The following GLIS3 variants were observed in gnomAD, a reference collection of about 807,000 sequenced individuals.
GLIS3 encodes the protein zinc finger protein GLIS3.
Under a neutral mutation model 78.6 loss-of-function variants are expected in GLIS3, and 53 were observed. The observed-to-expected ratio is 0.67, with a 90% CI of 0.54 to 0.85. The LOEUF is 0.85. Among genes scored for constraint, GLIS3 ranks in the 40% least tolerant of loss-of-function variants. The pLI is 0.00. For missense variants in GLIS3, 1,703 were observed against 1,231.1 expected (o/e 1.38, Z -5.74); for synonymous variants, 684 against 509.9 (o/e 1.34, Z -4.60).
chr9:4,285,988 G>A, intron 2 of GLIS3, 50 bp downstream of exon 2: 2 of 1,607,932 alleles, frequency 1.2e-6, no homozygotes, highest in South Asian at 1.1e-5. Flanking sequence ...TGGGATGGGG[G>A]AGAAAAAAAT....
upstream of GLIS3, among the ~76,000 whole-genome samples, chr9:4,352,964 C>A (rs572867532): frequency 6.6e-6 from 1 of 152,208 alleles, no homozygotes; most frequent in South Asian, 2.1e-4. Flanking sequence ...ATATAGGGTC[C>A]TCTCGCTCCT....
the GLIS3 span, among the ~76,000 whole-genome samples, chr9:4,418,926 G>C: frequency 6.6e-6 from 1 of 152,196 alleles, no homozygotes; most frequent in Non-Finnish European, 1.5e-5. Flanking sequence ...CTGCATGGTA[G>C]AAATGTAGAC....
chr9:3,934,485 C>T (rs1042163459), intron 5 of GLIS3, among the ~76,000 whole-genome samples: 1 of 151,330 alleles, frequency 6.6e-6, no homozygotes, highest in African/African-American at 2.4e-5. Context: ...TCTCGGCTCA[C>T]TGCAACCTCC....
upstream of GLIS3, among the ~76,000 whole-genome samples, chr9:4,348,961 A>G (rs887269602): frequency 1.3e-5 from 2 of 152,192 alleles, no homozygotes; most frequent in Non-Finnish European, 2.9e-5. Context: ...CATATATTAC[A>G]TTTGTACTCA....
chr9:4,312,802 T>C (rs1007375291), intron 2 of GLIS3, among the ~76,000 whole-genome samples: 5 of 152,216 alleles, frequency 3.3e-5, no homozygotes, highest in Admixed American at 6.5e-5. Flanking sequence ...AGCCAGATCA[T>C]TTAATCTCTG....
the GLIS3 span, among the ~76,000 whole-genome samples, chr9:4,485,737 A>T: frequency 7.0e-6 from 1 of 142,444 alleles, no homozygotes; most frequent in South Asian, 2.2e-4. Context: ...TTTTTTTGAG[A>T]CGGAGTTTTG....
At chr9:4,040,850 G>T (rs574237001) in intron 4 of GLIS3, among the ~76,000 whole-genome samples, 7 of 152,302 alleles carry the variant, frequency 4.6e-5, no homozygotes, top group Admixed American at 2.0e-4. Flanking sequence ...TGAAGTGAAG[G>T]TCATCAACAG....
intron 2 of GLIS3, among the ~76,000 whole-genome samples, chr9:4,224,731 T>TA (rs1321211235): frequency 6.6e-6 from 1 of 151,656 alleles, no homozygotes; most frequent in East Asian, 1.9e-4. Flanking sequence ...GTTTTTTTTT[T>TA]TTTATTTCTA....
intron 2 of GLIS3, among the ~76,000 whole-genome samples, chr9:4,345,134 G>T (rs575487711): frequency 6.6e-6 from 1 of 152,252 alleles, no homozygotes; most frequent in South Asian, 2.1e-4. Context: ...AAGCCTGAGT[G>T]CTTACAAGAT....
intron 4 of GLIS3, among the ~76,000 whole-genome samples, chr9:4,061,932 C>T (rs184053022): frequency 6.6e-6 from 1 of 152,144 alleles, no homozygotes; most frequent in Non-Finnish European, 1.5e-5. Flanking sequence ...GAGATCTGAG[C>T]TTCTTTAAGT....
At chr9:4,397,373 C>G in the GLIS3 span, among the ~76,000 whole-genome samples, 1 of 151,578 alleles carries the variant, frequency 6.6e-6, no homozygotes, top group Non-Finnish European at 1.5e-5. Flanking sequence ...TGGTTTTTAA[C>G]CTATTGCAAG....
At position 3,920,144 on chromosome 9, in the gene GLIS3, C is replaced by T. The variant is rs538717342; in HGVS notation, c.1983+12216G>A. 6.6e-5 allele frequency among the ~76,000 whole-genome samples: 10 copies of T among 151,976 alleles called. No homozygotes were observed. The South Asian group carries it at 2.1e-3, about 32-fold the overall frequency. On this transcript the variant is annotated intron_variant, in intron 6 of 10. Transcript: ENST00000381971. Reference sequence around the variant, plus strand: ...TCAGCCTCCTGAGTAGCTGGGACTACAGGCGCCCGCCACCACACCCGGCTA... The same window carrying T: ...TCAGCCTCCTGAGTAGCTGGGACTATAGGCGCCCGCCACCACACCCGGCTA...
chr9:4,176,868 C>T (rs1373569435), intron 2 of GLIS3, among the ~76,000 whole-genome samples: 1 of 152,264 alleles, frequency 6.6e-6, no homozygotes, highest in African/African-American at 2.4e-5. Flanking sequence ...AGGTGATCCG[C>T]CCGCCTTGGC....
chr9:4,016,687 A>G (rs1453278186), intron 4 of GLIS3, among the ~76,000 whole-genome samples: 2 of 152,170 alleles, frequency 1.3e-5, no homozygotes, highest in East Asian at 3.9e-4. Flanking sequence ...CTCTGCTCTG[A>G]TGTGGACTTG....
At chr9:4,442,255 T>C in the GLIS3 span, among the ~76,000 whole-genome samples, 2 of 152,230 alleles carry the variant, frequency 1.3e-5, no homozygotes, top group Non-Finnish European at 2.9e-5. Flanking sequence ...TTCATAATTG[T>C]CTGTTATGAT....
At chr9:4,374,141 G>C in the GLIS3 span, among the ~76,000 whole-genome samples, 40 of 152,322 alleles carry the variant, frequency 2.6e-4, no homozygotes, top group Middle Eastern at 6.8e-3. Flanking sequence ...CTGAAGGGCA[G>C]AGAAGGACCT....
the GLIS3 span, among the ~76,000 whole-genome samples, chr9:4,379,537 T>C: frequency 2.4e-4 from 37 of 152,336 alleles, no homozygotes; most frequent in East Asian, 5.8e-4. Flanking sequence ...GCTTATAAGA[T>C]GTTTTTAGTT....
At chr9:4,170,423 ATG>A (rs1422401210) in intron 2 of GLIS3, among the ~76,000 whole-genome samples, 1 of 62,368 alleles carries the variant, frequency 1.6e-5, no homozygotes, top group Non-Finnish European at 4.9e-5. Context: ...AAAACCACAC[ATG>A]AGTCAGCAAC....
chr9:4,079,737 T>G (rs1159437343), intron 4 of GLIS3, among the ~76,000 whole-genome samples: 3 of 144,606 alleles, frequency 2.1e-5, no homozygotes, highest in East Asian at 4.0e-4. Context: ...CTTTGAAAGA[T>G]GGATGTGAAA....
Sources: allele counts gnomAD v4.1 joint callset (sites outside exome capture counted in the v4.1 genomes callset), GRCh38; gene constraint gnomAD v4.1.1; transcripts MANE v1.5; gene names NCBI Gene and HGNC (gene_info 2026-07-23, HGNC 2026-07-21).